The following TEP1 variants were observed in gnomAD, a reference collection of about 807,000 sequenced individuals.
The protein encoded by TEP1 is telomerase protein component 1.
Under a neutral mutation model 306.3 loss-of-function variants are expected in TEP1, and 241 were observed. The ratio of observed to expected loss-of-function variants is 0.79; its 90% CI spans 0.71 to 0.88. TEP1 has a LOEUF of 0.88. Ranked by LOEUF, TEP1 falls within the 40% of genes least tolerant of loss-of-function variation. The pLI is 0.00. For synonymous variants in TEP1, 1,289 were observed against 1,305.5 expected (o/e 0.99, Z 0.27); for missense variants, 3,051 against 3,276.1 (o/e 0.93, Z 1.68).
intron 2 of TEP1, 101 bp from the exon 3 acceptor site, chr14:20,406,501 C>T (rs1169108657): frequency 1.2e-5 from 14 of 1,193,210 alleles, no homozygotes; most frequent in Middle Eastern, 2.0e-4. Context: ...AAGTCTACAT[C>T]TCCATTAATA....
chr14:20,406,144 C>T, intron 3 of TEP1, 89 bp downstream of exon 3: 1 of 1,364,662 alleles, frequency 7.3e-7, no homozygotes, highest in Non-Finnish European at 1.0e-6. Flanking sequence ...CTTCCCCTTC[C>T]AACTGGGGAG....
At position 20,403,882 on chromosome 14, in the gene TEP1, G is replaced by A; in HGVS notation, c.1035C>T (p.Ser345=). ...GCTTATTCTTATCTCCCTCAGCCAGGCTCTGTCAAAGAGAGAGGAGAGACC... is the reference window on the plus strand; with the variant it reads ...GCTTATTCTTATCTCCCTCAGCCAGACTCTGTCAAAGAGAGAGGAGAGACC... ...DWIQVAELYQ[S]LAEGDKNKLV... is the part of the protein sequence containing the mutation. The change falls in exon 6 of 55, where the codon AGC becomes AGT. Residue 345 remains serine, a splice_region_variant and synonymous_variant. Transcript: ENST00000262715. 6.2e-7 allele frequency: 1 copy of A among 1,614,082 alleles called. No individual in the cohort carries two copies. The highest frequency in any genetic ancestry group is 8.5e-7 in the Non-Finnish European group (1 of 1,180,030).
intron 12 of TEP1, among the ~76,000 whole-genome samples, chr14:20,394,904 G>T (rs1878060618): frequency 6.6e-6 from 1 of 152,174 alleles, no homozygotes; most frequent in Non-Finnish European, 1.5e-5. Flanking sequence ...GTAAAAATAA[G>T]TGTAAGATAC....
At position 20,381,228 on chromosome 14, in the gene TEP1, G is replaced by T; in HGVS notation, c.4647+85C>A. ...TGGGAGGGGTAATGGCGGCGGTGAT[G>T]GTGGAGATGGTAACGGGGAGAGGGG... On this transcript the variant is annotated intron_variant, in intron 32 of 54. Coordinates refer to ENST00000262715, the MANE Select transcript of TEP1 (RefSeq NM_007110.5). This position sits in a 1 kb window ranked among gnomAD's most constrained non-coding sequence, Gnocchi z 4.0. 7.1e-7 allele frequency: 1 copy of T among 1,402,176 alleles called. No individual in the cohort carries two copies. Among genetic ancestry groups the T allele is most frequent in the Non-Finnish European group, 1.0e-6 (1 of 987,514 alleles). 86.9% of individuals were successfully genotyped at this position (1,402,176 alleles called of 1,614,324 possible).
In TEP1 at chr14:20,369,357, C is replaced by T. The variant is rs767287047; in HGVS notation, c.7643G>A (p.Arg2548Gln). 1.2e-5 allele frequency: 19 copies of T among 1,613,898 alleles called. No individual in the cohort carries two copies. The highest frequency in any genetic ancestry group is 3.3e-4 in the Middle Eastern group (2 of 6,084). ...CTTCAAACTCACCTTTCTACGCTGCCGTGTCTTTAGATGTGGTGTTGGCTC... is the reference window on the plus strand; with the variant it reads ...CTTCAAACTCACCTTTCTACGCTGCTGTGTCTTTAGATGTGGTGTTGGCTC... ...DSEPTPHLKT[R>Q]QRRKIHSGSV... The change falls in exon 53 of 55, where the codon CGG becomes CAG. Residue 2548 changes from arginine to glutamine, a missense_variant. By Grantham distance (43) the Arg-to-Gln change is conservative. Coordinates refer to ENST00000262715, the MANE Select transcript of TEP1 (RefSeq NM_007110.5).
rs576376917 is a variant in TEP1 at position 20,400,771 on chromosome 14, C to T, written c.1549+213G>A. On this transcript the variant is annotated intron_variant, in intron 9 of 54. Transcript: ENST00000262715. ...TAAAAACTTGTACATCACCTAACTA[C>T]ATCTGGTATAATGATCTATGATGCC... is the stretch of plus-strand genomic sequence containing the variant. The T allele has an allele frequency of 8.7e-6, 5 of 572,626 alleles. No individual in the cohort carries two copies. In the South Asian group the frequency reaches 1.2e-4, roughly 14 times the overall value. The allele number at this position is 572,626 out of a possible 1,614,324, so 35.5% of individuals were successfully genotyped here. A position where few individuals can be genotyped will look rare whatever the true frequency, so the allele number is the denominator to read the frequency against.
chr14:20,380,868 C>T, intron 33 of TEP1, 63 bp downstream of exon 33: 2 of 1,380,360 alleles, frequency 1.4e-6, no homozygotes, highest in Non-Finnish European at 2.1e-6. Flanking sequence ...TGAGCAGGGC[C>T]CCCATAAGCA....
Position 20,380,467 on chromosome 14 carries a change from C to A in TEP1, c.4771G>T (p.Val1591Phe). The A allele has an allele frequency of 1.2e-6, 2 of 1,612,002 alleles. No individual in the cohort carries two copies. Among genetic ancestry groups the A allele is most frequent in the African/African-American group, 1.3e-5 (1 of 75,022 alleles). Reference protein sequence around the residue: ...LEAHALYASSVPKEEQKLPEA... With the variant: ...LEAHALYASSFPKEEQKLPEA... ...GGGAGCTTTTGTTCCTCTTTGGGGA[C>A]TGAAGAAGCTATAAAAGGGTGGCAG... Residue 1591 changes from valine (V) to phenylalanine (F), a missense_variant, in exon 34 of 55, where the codon GTC (valine) becomes TTC (phenylalanine). Physicochemically the swap from Val to Phe is conservative, Grantham distance 50 (BLOSUM62 -1). Around this residue, in one of 3 missense-constraint regions of TEP1, gnomAD observed 1,540 missense variants for 1,705.9 expected, o/e 0.90. Transcript: ENST00000262715.
intron 19 of TEP1, 55 bp downstream of exon 19, chr14:20,386,392 C>A: frequency 6.3e-7 from 1 of 1,575,614 alleles, no homozygotes; most frequent in South Asian, 1.2e-5. Flanking sequence ...ACCTCAGGTC[C>A]ACCACTCAAG....
Position 20,386,161 on chromosome 14 carries a change from C to A in TEP1, c.2896G>T (p.Ala966Ser). The change falls in exon 20 of 55, where the codon GCA (alanine) becomes TCA (serine). Residue 966 changes from alanine to serine, a missense_variant. By Grantham distance (99) the Ala-to-Ser change is moderately conservative. Coordinates refer to ENST00000262715, the MANE Select transcript of TEP1 (RefSeq NM_007110.5). ...LEVCLGEVEN[A>S]QLFVGILGSR... Reference sequence around the variant, plus strand: ...CCCAGAATCCCCACAAACAGCTGTGCGTTCTCCACCTCCCCAAGGCACACT... The same window carrying A: ...CCCAGAATCCCCACAAACAGCTGTGAGTTCTCCACCTCCCCAAGGCACACT... 6.2e-7 allele frequency: 1 copy of A among 1,613,724 alleles called. No homozygotes were observed.
At chr14:20,409,051 T>C (rs1252871681) in intron 1 of TEP1, among the ~76,000 whole-genome samples, 1 of 152,144 alleles carries the variant, frequency 6.6e-6, no homozygotes, top group African/African-American at 2.4e-5. Flanking sequence ...CCCAGCTTCC[T>C]TGCCTCCTAT....
chr14:20,372,362 A>ATGTGTGTGTG (rs1207479974), intron 49 of TEP1, among the ~76,000 whole-genome samples: 1 of 135,008 alleles, frequency 7.4e-6, no homozygotes, highest in South Asian at 2.5e-4. Flanking sequence ...CCCCAGGAAT[A>ATGTGTGTGTG]TGTGTGTGTG....
Position 20,376,243 on chromosome 14 carries a change from C to T in TEP1, c.6110G>A (p.Trp2037Ter). The change falls in exon 42 of 55, where the codon TGG becomes TAG. Residue 2037 changes from tryptophan (W) to a stop codon, truncating the protein, a stop_gained. Coordinates refer to ENST00000262715, the MANE Select transcript of TEP1 (RefSeq NM_007110.5). LOFTEE classifies it high-confidence loss of function. ...SASEDFTVQL[W>*]PRQLLTRPHK... ...TGGCCGCGTCAGCAGCTGCCTTGGCCACAGCTGCACTGTGAAATCCTCTGC... is the reference window on the plus strand; with the variant it reads ...TGGCCGCGTCAGCAGCTGCCTTGGCTACAGCTGCACTGTGAAATCCTCTGC... The T allele has an allele frequency of 6.2e-7, 1 of 1,613,646 alleles. No homozygotes were observed.
chr14:20,383,249 A>G lies in TEP1; in HGVS notation c.3972T>C (p.Ser1324=), dbSNP rs1876757729. The change falls in exon 27 of 55, where the codon TCT becomes TCC. Residue 1324 remains serine, a synonymous_variant. Transcript: ENST00000262715. ...CCTCTCTCACCAGCCGGGCCCGAGC[A>G]GAGGCCTCCAGAGGCCCCAAGGCCA... ...HVLALGPLEA[S]ARARLVREEL... 6.2e-7 allele frequency: 1 copy of G among 1,613,862 alleles called. No homozygotes were observed. Among genetic ancestry groups the G allele is most frequent in the African/African-American group, 1.3e-5 (1 of 74,934 alleles).
intron 12 of TEP1, among the ~76,000 whole-genome samples, chr14:20,395,241 G>A (rs1878097301): frequency 6.6e-6 from 1 of 152,164 alleles, no homozygotes; most frequent in South Asian, 2.1e-4. Context: ...TAGAGTGGAG[G>A]TCCAGGAGTA....
At chr14:20,401,384 G>C in intron 8 of TEP1, 73 bp downstream of exon 8, 2 of 1,589,900 alleles carry the variant, frequency 1.3e-6, no homozygotes, top group Non-Finnish European at 1.7e-6. Flanking sequence ...GAACTACTGG[G>C]ATGGGGGCCA....
rs763209347 is a variant in TEP1 at position 20,407,939 on chromosome 14, G to A, written c.501C>T (p.Asp167=). The part of the protein sequence containing the change: ...WRAQHFSKGL[D]LSTCPIALKS... ...TCAGGGCTATAGGGCAGGTTGAAAG[G>A]TCTAGTCCCTTAGAGAAATGCTGAG... is the stretch of plus-strand genomic sequence containing the variant. The change falls in exon 2 of 55, where the codon GAC becomes GAT. Residue 167 remains aspartate, a synonymous_variant. Transcript: ENST00000262715. 1.2e-6 allele frequency: 2 copies of A among 1,614,154 alleles called. No homozygotes were observed. Among genetic ancestry groups the A allele is most frequent in the Admixed American group, 1.7e-5 (1 of 60,020 alleles).
chr14:20,400,497 C>CAAAAAAAA (rs71108598), intron 9 of TEP1, among the ~76,000 whole-genome samples: 1 of 85,484 alleles, frequency 1.2e-5, no homozygotes, highest in African/African-American at 3.5e-5. Flanking sequence ...AAAAGTAGAC[C>CAAAAAAAA]AAAAAAAAAA....
chr14:20,384,343 C>T (rs760587162), intron 23 of TEP1, 48 bp downstream of exon 23: 9 of 1,612,316 alleles, frequency 5.6e-6, no homozygotes, highest in Non-Finnish European at 5.1e-6. Context: ...CAACCCAGAC[C>T]ACCCCATGTC....
Sources: allele counts gnomAD v4.1 joint callset (sites outside exome capture counted in the v4.1 genomes callset), GRCh38; gene constraint gnomAD v4.1.1; regional missense constraint gnomAD v4.1.1; non-coding constraint Gnocchi (gnomAD v3.1); transcripts MANE v1.5; gene names NCBI Gene and HGNC (gene_info 2026-07-23, HGNC 2026-07-21).